Variants in RPAP3 observed in about 807,000 individuals in gnomAD.
RPAP3 encodes the protein RNA polymerase II-associated protein 3.
Under a neutral mutation model 88.8 loss-of-function variants are expected in RPAP3, and 58 were observed. The ratio of observed to expected loss-of-function variants is 0.65; its 90% CI spans 0.53 to 0.81. The LOEUF (loss-of-function observed/expected upper bound fraction) is 0.81, where lower values mean the gene tolerates loss of function less well. Ranked by LOEUF, RPAP3 falls within the 40% of genes least tolerant of loss-of-function variation. The pLI is 0.00. For synonymous variants in RPAP3, 255 were observed against 259.9 expected, an observed-to-expected ratio of 0.98 and a Z score of 0.18; for missense variants, 751 against 764.3, an observed-to-expected ratio of 0.98 and a Z score of 0.20.
intron 1 of RPAP3, among the ~76,000 whole-genome samples, chr12:47,704,249 C>T (rs1007624266): frequency 2.5e-4 from 38 of 152,202 alleles, no homozygotes; most frequent in African/African-American, 8.9e-4. Context: ...GGGAGAAAAA[C>T]CTAGAGTGTA....
chr12:47,681,561 G>A (rs907220614), intron 10 of RPAP3, 135 bp downstream of exon 10: 2 of 872,858 alleles, frequency 2.3e-6, no homozygotes, highest in Non-Finnish European at 3.4e-6. Flanking sequence ...ATCTATTCGT[G>A]ATCTAAACTG....
chr12:47,662,891 G>A lies in RPAP3; in HGVS notation c.*614C>T, dbSNP rs1426105346. 6.6e-6 allele frequency: 1 copy of A among 151,618 alleles called. No individual in the cohort carries two copies. The highest frequency in any genetic ancestry group is 1.5e-5 in the Non-Finnish European group (1 of 67,776). The allele number at this position is 151,618 out of a possible 1,614,324, so 9.4% of individuals were successfully genotyped here. A position where few individuals can be genotyped will look rare whatever the true frequency, so the allele number is the denominator to read the frequency against. On this transcript the variant is annotated 3_prime_UTR_variant, in exon 17 of 17. Coordinates refer to ENST00000005386, the MANE Select transcript of RPAP3 (RefSeq NM_024604.3). ...TGCATTAGATTATCTGTCCTTAACT[G>A]GTATGTAACATGGATATCTTAAGGG... is the stretch of plus-strand genomic sequence containing the variant.
chr12:47,684,183 A>C (rs910606679), intron 9 of RPAP3, among the ~76,000 whole-genome samples: 1 of 152,166 alleles, frequency 6.6e-6, no homozygotes, highest in Non-Finnish European at 1.5e-5. Context: ...ACAATTTGCC[A>C]GCTCACAGGC....
At chr12:47,674,971 GA>G (rs1443834188) in intron 12 of RPAP3, among the ~76,000 whole-genome samples, 2 of 152,072 alleles carry the variant, frequency 1.3e-5, no homozygotes, top group East Asian at 3.9e-4. Flanking sequence ...TGAAATGAAG[GA>G]AAAAGTGTTA....
At position 47,702,734 on chromosome 12, in the gene RPAP3, T is replaced by C; in HGVS notation, c.107A>G (p.Lys36Arg). Reference protein sequence around the residue: ...RDLENWEKDIKQKDMELRRQN... With the variant: ...RDLENWEKDIRQKDMELRRQN... ...TCTTCTTAGTTCCATATCCTTTTGTTTAATGTCTTTTTCCCAGTTTTCTAA... is the reference window on the plus strand; with the variant it reads ...TCTTCTTAGTTCCATATCCTTTTGTCTAATGTCTTTTTCCCAGTTTTCTAA... The change falls in exon 2 of 17, where the codon AAA (lysine) becomes AGA (arginine). Residue 36 changes from lysine (K) to arginine (R), a missense_variant. Transcript: ENST00000005386. 1.2e-6 allele frequency: 2 copies of C among 1,612,624 alleles called. No individual in the cohort carries two copies. Among genetic ancestry groups the C allele is most frequent in the Non-Finnish European group, 1.7e-6 (2 of 1,179,142 alleles).
intron 3 of RPAP3, among the ~76,000 whole-genome samples, chr12:47,698,474 T>C (rs1201741112): frequency 2.0e-5 from 3 of 152,240 alleles, no homozygotes; most frequent in African/African-American, 7.2e-5. Flanking sequence ...ATTTTCCTCT[T>C]ATTTTTTATA....
Position 47,663,587 on chromosome 12 carries a change from G to A in RPAP3, c.1916C>T (p.Ala639Val), listed in dbSNP as rs1185357236. The A allele has an allele frequency of 6.5e-7, 1 of 1,527,598 alleles. No individual in the cohort carries two copies. Among genetic ancestry groups the A allele is most frequent in the South Asian group, 1.3e-5 (1 of 78,326 alleles). 94.6% of individuals were successfully genotyped at this position (1,527,598 alleles called of 1,614,324 possible). ...GTCTATGTGATTAAATAATGCACGT[G>A]CAACTGAAAAAGAAAAAGAAATTCT... Reference protein sequence around the residue: ...MFMSETEKKIARALFNHIDKS... With the variant: ...MFMSETEKKIVRALFNHIDKS... Residue 639 changes from alanine (A) to valine (V), a missense_variant, in exon 17 of 17, where the codon GCA becomes GTA. Ala to Val is a moderately conservative substitution (Grantham distance 64, BLOSUM62 0). Coordinates refer to ENST00000005386, the MANE Select transcript of RPAP3 (RefSeq NM_024604.3).
Position 47,702,973 on chromosome 12 carries a change from T to A in RPAP3, c.-6-127A>T, listed in dbSNP as rs185854176. The stretch of plus-strand genomic sequence containing the variant: ...GATACATGGACAGAAGACAGCCAAC[T>A]GATGCTGAATAAAGAAAAATCAATA... On this transcript the variant is annotated intron_variant, in intron 1 of 16. Transcript: ENST00000005386. 2.5e-4 allele frequency: 119 copies of A among 475,966 alleles called. 1 individual carries two copies. Among genetic ancestry groups the A allele is most frequent in the African/African-American group, 2.3e-3 (115 of 50,034 alleles). The allele number at this position is 475,966 out of a possible 1,614,324, so 29.5% of individuals were successfully genotyped here. A position where few individuals can be genotyped will look rare whatever the true frequency, so the allele number is the denominator to read the frequency against.
rs751851261 is a variant in RPAP3 at position 47,667,734 on chromosome 12, C to G, written c.1811+20G>C. On this transcript the variant is annotated intron_variant, in intron 15 of 16. Transcript: ENST00000005386. ...CATTAAGTGAGGACTTACTGTATAA[C>G]TAAAAAAAACTTGACTTACTCAATG... is the stretch of plus-strand genomic sequence containing the variant. 1 of 1,437,144 alleles carries G rather than the reference C, an allele frequency of 7.0e-7. No homozygotes were observed. Among genetic ancestry groups the G allele is most frequent in the Non-Finnish European group, 9.6e-7 (1 of 1,037,244 alleles). 89.0% of individuals were successfully genotyped at this position (1,437,144 alleles called of 1,614,324 possible). A position where few individuals can be genotyped will look rare whatever the true frequency, so the allele number is the denominator to read the frequency against.
At chr12:47,672,375 TG>T (rs1939016753) in intron 12 of RPAP3, among the ~76,000 whole-genome samples, 1 of 152,344 alleles carries the variant, frequency 6.6e-6, no homozygotes, top group African/African-American at 2.4e-5. Context: ...GGTGACCAGG[TG>T]GTGTCACAAA....
intron 10 of RPAP3, among the ~76,000 whole-genome samples, chr12:47,681,036 A>C (rs1939213603): frequency 6.6e-6 from 1 of 152,062 alleles, no homozygotes; most frequent in Admixed American, 6.6e-5. Flanking sequence ...TTTGCACAAA[A>C]ACGAGTTTGC....
chr12:47,693,174 CCTGGCCTCA>C (rs1372344818), intron 5 of RPAP3, among the ~76,000 whole-genome samples: 1 of 152,146 alleles, frequency 6.6e-6, no homozygotes, highest in Admixed American at 6.5e-5. Flanking sequence ...AGCCACCATG[CCTGGCCTCA>C]CTGTACGGTT....
chr12:47,679,550 G>A lies in RPAP3; in HGVS notation c.1230C>T (p.Ser410=). The change falls in exon 12 of 17, where the codon TCC becomes TCT. Residue 410 remains serine, a synonymous_variant. Coordinates refer to ENST00000005386, the MANE Select transcript of RPAP3 (RefSeq NM_024604.3). ...KGHWDDVFLD[S]TQRQNVVKPI... ...GTTTTACCACATTTTGTCTTTGTGT[G>A]GAATCAAGAAAGACATCATCCCAGT... 6.2e-7 allele frequency: 1 copy of A among 1,606,150 alleles called. No homozygotes were observed.
chr12:47,668,216 C>T (rs1938923915), intron 14 of RPAP3, among the ~76,000 whole-genome samples: 1 of 152,074 alleles, frequency 6.6e-6, no homozygotes, highest in Non-Finnish European at 1.5e-5. Flanking sequence ...AAAAGAATAA[C>T]TACTATGCAT....
intron 10 of RPAP3, among the ~76,000 whole-genome samples, chr12:47,680,841 T>A (rs1382129415): frequency 6.9e-6 from 1 of 143,896 alleles, no homozygotes; most frequent in Admixed American, 6.8e-5. Flanking sequence ...GAAGAGTTTT[T>A]TAAAAAAAAA....
In RPAP3 at chr12:47,679,790, TA is replaced by T. The variant is rs1939187534; in HGVS notation, c.1115-17del. 6.5e-7 allele frequency: 1 copy of T among 1,548,058 alleles called. No individual in the cohort carries two copies. The highest frequency in any genetic ancestry group is 8.9e-7 in the Non-Finnish European group (1 of 1,125,770). ...GTTTCAAAATCTAAAGCGAATTTTT[TA>T]AAAACATTACAACATAGTTAAAATG... On this transcript the variant is annotated splice_polypyrimidine_tract_variant and intron_variant, in intron 10 of 16. Transcript: ENST00000005386.
intron 13 of RPAP3, among the ~76,000 whole-genome samples, chr12:47,669,427 T>C (rs1028535440): frequency 6.6e-6 from 1 of 152,174 alleles, no homozygotes; most frequent in African/African-American, 2.4e-5. Flanking sequence ...TTCAAAGATC[T>C]AAATGATCAT....
intron 9 of RPAP3, among the ~76,000 whole-genome samples, chr12:47,684,383 TC>T (rs955393208): frequency 1.4e-4 from 21 of 152,312 alleles, no homozygotes; most frequent in Admixed American, 1.1e-3. Context: ...TCTAATTAGC[TC>T]TAATTTGACA....
intron 9 of RPAP3, among the ~76,000 whole-genome samples, chr12:47,685,419 A>G (rs575853433): frequency 1.3e-5 from 2 of 151,972 alleles, no homozygotes; most frequent in Non-Finnish European, 2.9e-5. Flanking sequence ...ATCACATTAT[A>G]ACGGTTACTG....
Sources: allele counts gnomAD v4.1 joint callset (sites outside exome capture counted in the v4.1 genomes callset), GRCh38; gene constraint gnomAD v4.1.1; transcripts MANE v1.5; gene names NCBI Gene and HGNC (gene_info 2026-07-23, HGNC 2026-07-21).